The following CYP4F12 variants were observed in gnomAD, a reference collection of about 807,000 sequenced individuals.
The protein encoded by CYP4F12 is cytochrome P450 family 4 subfamily F member 12.
Under a neutral mutation model 56.5 loss-of-function variants are expected in CYP4F12, and 60 were observed. That is an observed-to-expected ratio of 1.06 (90% CI 0.86 to 1.32). The LOEUF (loss-of-function observed/expected upper bound fraction) is 1.32. CYP4F12 is among the 40% of genes most tolerant of loss of function. The probability of loss-of-function intolerance (pLI) is 0.00; values close to 1 mark genes in which losing one functional copy is unlikely to be tolerated. For synonymous variants in CYP4F12, 263 were observed against 264.9 expected, an observed-to-expected ratio of 0.99 and a Z score of 0.07; for missense variants, 711 against 683.5, an observed-to-expected ratio of 1.04 and a Z score of -0.45.
intron 9 of CYP4F12, among the ~76,000 whole-genome samples, chr19:15,686,699 G>A (rs1162598149): frequency 6.6e-6 from 1 of 152,188 alleles, no homozygotes; most frequent in East Asian, 1.9e-4. Flanking sequence ...GTTGAGCAGG[G>A]GAGGGGCAGG....
chr19:15,677,845 T>C (rs111219979), intron 2 of CYP4F12, among the ~76,000 whole-genome samples: 358 of 1,072 alleles, frequency 0.33, 173 homozygotes, highest in East Asian at 1. Context: ...TGCTCACTCT[T>C]ATTCTTCTCC....
rs200041881 is a variant in CYP4F12, at chr19:15,697,029, C to A, written c.1519C>A (p.Arg507Ser). ...CCGCAGGAAGCTGGAATTGATCATG[C>A]GCGCCGAGGGCGGGCTTTGGCTGCG... ...EPRRKLELIM[R>S]AEGGLWLRVE... The change falls in exon 13 of 13, where the codon CGC becomes AGC. Residue 507 changes from arginine to serine, a missense_variant. By Grantham distance (110) the Arg-to-Ser change is moderately radical (BLOSUM62 -1). Transcript: ENST00000550308. 118 of 1,614,048 alleles carry A rather than the reference C, an allele frequency of 7.3e-5. No homozygotes were observed. The highest frequency in any genetic ancestry group is 9.4e-5 in the Non-Finnish European group (111 of 1,179,984).
At chr19:15,679,412 C>G (rs1305842961) in intron 3 of CYP4F12, among the ~76,000 whole-genome samples, 1 of 152,240 alleles carries the variant, frequency 6.6e-6, no homozygotes, top group Non-Finnish European at 1.5e-5. Context: ...TATCTGTCAA[C>G]CATGGGTCCT....
intron 9 of CYP4F12, 130 bp downstream of exon 9, chr19:15,685,327 A>G: frequency 7.1e-7 from 1 of 1,403,634 alleles, no homozygotes; most frequent in Non-Finnish European, 9.5e-7. Flanking sequence ...AGAGGACCAC[A>G]GGCAGGGCTT....
chr19:15,694,959 C>A (rs2008050004), intron 9 of CYP4F12, among the ~76,000 whole-genome samples: 1 of 152,114 alleles, frequency 6.6e-6, no homozygotes, highest in Admixed American at 6.5e-5. Flanking sequence ...CCTCAGGGAT[C>A]TAGAACTAGA....
chr19:15,690,962 T>C (rs544427574), intron 9 of CYP4F12, among the ~76,000 whole-genome samples: 34 of 152,364 alleles, frequency 2.2e-4, no homozygotes, highest in African/African-American at 6.3e-4. Context: ...TATTTACATA[T>C]ATGGACATTT....
At chr19:15,678,144 C>A in intron 2 of CYP4F12, 117 bp from the exon 3 acceptor site, 1 of 1,345,430 alleles carries the variant, frequency 7.4e-7, no homozygotes, top group Non-Finnish European at 1.0e-6. Context: ...CTCAAACACC[C>A]TCACAGACAC....
chr19:15,696,530 CTGAGG>C lies in CYP4F12; in HGVS notation c.1397+19_1397+23del, dbSNP rs1195212052. 6.2e-7 allele frequency: 1 copy of C among 1,609,614 alleles called. No homozygotes were observed. Among genetic ancestry groups the C allele is most frequent in the East Asian group, 2.2e-5 (1 of 44,868 alleles). The stretch of plus-strand genomic sequence containing the variant: ...GGGCCCAGGTAAGAGCGCCCTGTGT[CTGAGG>C]CAGGGATGGGATGATGGGTGCGGGA... On this transcript the variant is annotated intron_variant, in intron 12 of 12. Coordinates refer to ENST00000550308, the MANE Select transcript of CYP4F12 (RefSeq NM_023944.4).
rs370789771 is a variant in CYP4F12, at chr19:15,697,034, C to T, written c.1524C>T (p.Ala508=). ...PRRKLELIMR[A]EGGLWLRVEP... ...GGAAGCTGGAATTGATCATGCGCGCCGAGGGCGGGCTTTGGCTGCGGGTGG... is the reference window on the plus strand; with the variant it reads ...GGAAGCTGGAATTGATCATGCGCGCTGAGGGCGGGCTTTGGCTGCGGGTGG... The change falls in exon 13 of 13, where the codon GCC becomes GCT. Residue 508 remains alanine (A), a synonymous_variant. Transcript: ENST00000550308. The T allele has an allele frequency of 2.5e-6, 4 of 1,614,000 alleles. No homozygotes were observed. Among genetic ancestry groups the T allele is most frequent in the Non-Finnish European group, 1.7e-6 (2 of 1,179,960 alleles).
intron 3 of CYP4F12, among the ~76,000 whole-genome samples, chr19:15,679,416 G>A (rs754058575): frequency 2.6e-5 from 4 of 152,152 alleles, no homozygotes; most frequent in Non-Finnish European, 5.9e-5. Context: ...TGTCAACCAT[G>A]GGTCCTAGCA....
In CYP4F12 at chr19:15,677,131, C is replaced by CTG. The variant is rs1568414035; in HGVS notation, c.199-1130_199-1129insTG. 2.6e-4 allele frequency among the ~76,000 whole-genome samples: 20 copies of CTG among 76,954 alleles called. 2 individuals are homozygous for CTG. Among genetic ancestry groups the CTG allele is most frequent in the African/African-American group, 8.4e-4 (20 of 23,790 alleles). The allele number at this position is 76,954 out of a possible 152,430, so 50.5% of individuals were successfully genotyped here. A position where few individuals can be genotyped will look rare whatever the true frequency, so the allele number is the denominator to read the frequency against. On this transcript the variant is annotated intron_variant, in intron 2 of 12. Transcript: ENST00000550308. ...CCTCTGCTCACTCACTCATTCATATCCTCACTCACTCATTCCTCTACCCAC... is the reference window on the plus strand; with the variant it reads ...CCTCTGCTCACTCACTCATTCATATCTGCTCACTCACTCATTCCTCTACCCAC...
intron 9 of CYP4F12, among the ~76,000 whole-genome samples, chr19:15,691,577 C>A (rs151270968): frequency 3.0e-4 from 46 of 152,224 alleles, no homozygotes; most frequent in African/African-American, 1.1e-3. Context: ...ACATCCTTTG[C>A]CCAAGTTGAT....
rs201640448 is a variant in CYP4F12 at position 15,696,520 on chromosome 19, C to T, written c.1397+8C>T. On this transcript the variant is annotated splice_region_variant and intron_variant, in intron 12 of 12. Coordinates refer to ENST00000550308, the MANE Select transcript of CYP4F12 (RefSeq NM_023944.4). ...TTTCTCCGCAGGGCCCAGGTAAGAG[C>T]GCCCTGTGTCTGAGGCAGGGATGGG... 679 of 1,610,948 alleles carry T rather than the reference C, an allele frequency of 4.2e-4. 2 individuals carry two copies. The Middle Eastern group carries it at 5.2e-3, about 12-fold the overall frequency.
chr19:15,697,077 T>C lies in CYP4F12; in HGVS notation c.1567T>C (p.Leu523=). The C allele has an allele frequency of 1.9e-6, 3 of 1,612,554 alleles. No homozygotes were observed. Among genetic ancestry groups the C allele is most frequent in the Non-Finnish European group, 2.5e-6 (3 of 1,178,780 alleles). Residue 523 remains leucine, a synonymous_variant, in exon 13 of 13, where the codon TTG becomes CTG. Transcript: ENST00000550308. ...GCGGGTGGAGCCCCTGAATGTAAGC[T>C]TGCAGTGACTTTCTGACCCATCCAC... ...WLRVEPLNVS[L]Q
chr19:15,696,890 C>A lies in CYP4F12; in HGVS notation c.1398-18C>A. 6.2e-7 allele frequency: 1 copy of A among 1,602,634 alleles called. No homozygotes were observed. Among genetic ancestry groups the A allele is most frequent in the South Asian group, 1.1e-5 (1 of 89,732 alleles). On this transcript the variant is annotated intron_variant, in intron 12 of 12. Transcript: ENST00000550308. Reference sequence around the variant, plus strand: ...TGCGGGTCTTGGGCACAGTCACAGTCCCCACTCCCGCCTGCAGGAACTGCA... The same window carrying A: ...TGCGGGTCTTGGGCACAGTCACAGTACCCACTCCCGCCTGCAGGAACTGCA...
chr19:15,685,081 G>A lies in CYP4F12; in HGVS notation c.999G>A (p.Thr333=), dbSNP rs368341104. 8.9e-5 allele frequency: 144 copies of A among 1,613,786 alleles called. No individual in the cohort carries two copies. The highest frequency in any genetic ancestry group is 4.0e-5 in the African/African-American group (3 of 74,902). Residue 333 remains threonine, a synonymous_variant, in exon 9 of 13, where the codon ACG becomes ACA. Coordinates refer to ENST00000550308, the MANE Select transcript of CYP4F12 (RefSeq NM_023944.4). ...GCTGCTCCTCAGGCCATGACACCAC[G>A]GCCAGTGGCCTCTCCTGGGTCCTGT... ...DTFMFGGHDT[T]ASGLSWVLYN... is the part of the protein sequence containing the mutation.
chr19:15,673,631 C>T lies in CYP4F12; in HGVS notation c.102C>T (p.Ile34=). Residue 34 remains isoleucine (I), a synonymous_variant, in exon 2 of 13, where the codon ATC becomes ATT. Transcript: ENST00000550308. ...LVVGSWLLAR[I]LAWTYAFYNN... Reference sequence around the variant, plus strand: ...TGGGCTCCTGGCTACTCGCCCGCATCCTGGCTTGGACCTATGCCTTCTATA... The same window carrying T: ...TGGGCTCCTGGCTACTCGCCCGCATTCTGGCTTGGACCTATGCCTTCTATA... 6.2e-7 allele frequency: 1 copy of T among 1,614,210 alleles called. No homozygotes were observed. The highest frequency in any genetic ancestry group is 8.5e-7 in the Non-Finnish European group (1 of 1,180,032).
chr19:15,695,767 C>T (rs2008100440), intron 9 of CYP4F12, among the ~76,000 whole-genome samples, 169 bp from the exon 10 acceptor site: 1 of 152,174 alleles, frequency 6.6e-6, no homozygotes, highest in Non-Finnish European at 1.5e-5. Context: ...TGGTACTTTT[C>T]TAATTCTCTG....
intron 3 of CYP4F12, among the ~76,000 whole-genome samples, chr19:15,679,862 G>A (rs1263822771): frequency 1.3e-5 from 2 of 152,236 alleles, no homozygotes; most frequent in Non-Finnish European, 2.9e-5. Flanking sequence ...GGGGTACACA[G>A]AGGTCATGTC....
Sources: gnomAD v4.1 joint callset for allele counts (sites outside exome capture counted in the v4.1 genomes callset) on GRCh38, gnomAD v4.1.1 for gene constraint, MANE v1.5 for transcripts, NCBI Gene and HGNC (gene_info 2026-07-23, HGNC 2026-07-21) for gene names.